The following CFDP1 variants were observed in gnomAD, a reference collection of about 807,000 sequenced individuals.
The protein encoded by CFDP1 is chromatin remodeling protein CFDP1.
Under a neutral mutation model 40.1 loss-of-function variants are expected in CFDP1, and 31 were observed. The observed-to-expected ratio is 0.77, with a 90% CI of 0.58 to 1.04. The LOEUF (loss-of-function observed/expected upper bound fraction) is 1.04. CFDP1 is among the 50% of genes least tolerant of loss of function. The pLI is 0.00. For synonymous variants in CFDP1, 167 were observed against 120.0 expected, an observed-to-expected ratio of 1.39 and a Z score of -2.56; for missense variants, 423 against 343.4, an observed-to-expected ratio of 1.23 and a Z score of -1.83.
intron 5 of CFDP1, among the ~76,000 whole-genome samples, chr16:75,376,612 T>C (rs1206778737): frequency 6.6e-6 from 1 of 152,156 alleles, no homozygotes; most frequent in Non-Finnish European, 1.5e-5. Flanking sequence ...GAAAGGGGCA[T>C]GAGGGAACTT....
At chr16:75,432,311 G>A (rs2079430321) in intron 1 of CFDP1, among the ~76,000 whole-genome samples, 1 of 145,464 alleles carries the variant, frequency 6.9e-6, no homozygotes, top group Non-Finnish European at 1.5e-5. Flanking sequence ...TGAGGTGGGA[G>A]GATCACTTGA....
chr16:75,418,178 G>C (rs946772507), intron 1 of CFDP1, among the ~76,000 whole-genome samples: 18 of 144,458 alleles, frequency 1.2e-4, no homozygotes, highest in Non-Finnish European at 2.4e-4. Context: ...GCTTGAACCT[G>C]GGGGGCGGAG....
At position 75,404,682 on chromosome 16, in the gene CFDP1, A is replaced by C. The variant is rs1371012057; in HGVS notation, c.530+7143T>G. Among the ~76,000 whole-genome samples, 6 of 152,208 alleles carry C rather than the reference A, an allele frequency of 3.9e-5. No individual in the cohort carries two copies. The East Asian group carries it at 1.2e-3, about 29-fold the overall frequency. On this transcript the variant is annotated intron_variant, in intron 4 of 6. Coordinates refer to ENST00000283882, the MANE Select transcript of CFDP1 (RefSeq NM_006324.3). ...CAATCCAAATTGAGGGACATTATGC[A>C]ATACAAATGGCCTGGACTCTTAAAA...
chr16:75,335,618 A>G (rs1034529580), intron 5 of CFDP1, among the ~76,000 whole-genome samples: 5 of 142,866 alleles, frequency 3.5e-5, no homozygotes, highest in Non-Finnish European at 7.5e-5. Flanking sequence ...GTGCAGTGGC[A>G]CGATCTCGGC....
chr16:75,415,878 A>T (rs767946045), intron 1 of CFDP1, among the ~76,000 whole-genome samples: 1 of 152,122 alleles, frequency 6.6e-6, no homozygotes, highest in Non-Finnish European at 1.5e-5. Context: ...ATTGAGACGG[A>T]GTCTTGCTCT....
At chr16:75,390,541 A>T (rs1008154960) in intron 5 of CFDP1, among the ~76,000 whole-genome samples, 5 of 152,220 alleles carry the variant, frequency 3.3e-5, no homozygotes, top group Non-Finnish European at 7.4e-5. Context: ...TCTTTGCTGT[A>T]TTCGGAGTTG....
At chr16:75,387,198 T>G (rs2078905677) in intron 5 of CFDP1, among the ~76,000 whole-genome samples, 1 of 150,482 alleles carries the variant, frequency 6.6e-6, no homozygotes, top group Admixed American at 6.7e-5. Context: ...TGGAGTGCAG[T>G]GGCGCAATCT....
At chr16:75,333,515 C>T (rs12716786) in intron 5 of CFDP1, among the ~76,000 whole-genome samples, 152,242 of 152,372 alleles carry the variant, frequency 1, 76,057 homozygotes, top group Middle Eastern at 1. Context: ...GTAGTAATGT[C>T]ACAGATTTGA....
chr16:75,400,480 GAA>G (rs1412911157), intron 4 of CFDP1, among the ~76,000 whole-genome samples: 1 of 152,100 alleles, frequency 6.6e-6, no homozygotes, highest in African/African-American at 2.4e-5. Flanking sequence ...TAGAGGAAAG[GAA>G]TAGGGCTAAA....
At chr16:75,390,192 T>C (rs1488181032) in intron 5 of CFDP1, among the ~76,000 whole-genome samples, 1 of 152,204 alleles carries the variant, frequency 6.6e-6, no homozygotes. Flanking sequence ...GGTTGGCCCC[T>C]AGATTCCCTC....
intron 5 of CFDP1, among the ~76,000 whole-genome samples, chr16:75,341,750 C>A (rs2078528763): frequency 6.6e-6 from 1 of 151,944 alleles, no homozygotes; most frequent in Non-Finnish European, 1.5e-5. Flanking sequence ...CTGTCCTGTT[C>A]TCTTTCTTCT....
chr16:75,389,078 A>C (rs1191994979), intron 5 of CFDP1, among the ~76,000 whole-genome samples: 2 of 152,206 alleles, frequency 1.3e-5, no homozygotes, highest in Admixed American at 6.5e-5. Context: ...TCAATGCGTA[A>C]GGGTAGGATT....
At chr16:75,332,692 G>A (rs951149635) in intron 5 of CFDP1, among the ~76,000 whole-genome samples, 4 of 148,036 alleles carry the variant, frequency 2.7e-5, no homozygotes, top group Non-Finnish European at 4.5e-5. Context: ...AAAAAGAGTT[G>A]TCTATATTTT....
intron 6 of CFDP1, among the ~76,000 whole-genome samples, chr16:75,302,405 T>C (rs1206679508): frequency 6.6e-6 from 1 of 152,160 alleles, no homozygotes; most frequent in Non-Finnish European, 1.5e-5. Flanking sequence ...GGACTACAGG[T>C]GTGCACCACG....
At chr16:75,353,702 T>A (rs1036326614) in intron 5 of CFDP1, among the ~76,000 whole-genome samples, 9 of 126,856 alleles carry the variant, frequency 7.1e-5, no homozygotes, top group Non-Finnish European at 1.1e-4. Context: ...TGAGCCGAGA[T>A]CGTGCCACTG....
chr16:75,306,714 C>T (rs146433086), intron 5 of CFDP1, among the ~76,000 whole-genome samples: 1 of 152,278 alleles, frequency 6.6e-6, no homozygotes. Context: ...TGTGCTATCT[C>T]GCCTCCAGAT....
At chr16:75,352,961 T>C (rs1310171769) in intron 5 of CFDP1, among the ~76,000 whole-genome samples, 1 of 152,194 alleles carries the variant, frequency 6.6e-6, no homozygotes, top group Non-Finnish European at 1.5e-5. Flanking sequence ...CCGATAAAAC[T>C]ACCAATTTAC....
chr16:75,308,860 T>G (rs530775604), intron 5 of CFDP1, among the ~76,000 whole-genome samples: 1 of 152,256 alleles, frequency 6.6e-6, no homozygotes, highest in African/African-American at 2.4e-5. Context: ...TGCACAGCAG[T>G]GAGGTTTCCA....
rs932861576 is a variant in CFDP1, at chr16:75,380,557, G to GA, written c.650+14532dup. Among the ~76,000 whole-genome samples the GA allele has an allele frequency of 6.8e-3, 972 of 142,754 alleles. 2 individuals carry two copies. Among genetic ancestry groups the GA allele is most frequent in the African/African-American group, 9.8e-3 (384 of 39,034 alleles). The allele number at this position is 142,754 out of a possible 152,430, so 93.7% of individuals were successfully genotyped here. ...ATCCTCAATGAAAGGAAAGAGTTAG[G>GA]AAAAAAAAAAAATCACATAACAGCC... On this transcript the variant is annotated intron_variant, in intron 5 of 6. Coordinates refer to ENST00000283882, the MANE Select transcript of CFDP1 (RefSeq NM_006324.3).
Sources: gnomAD v4.1 joint callset for allele counts (sites outside exome capture counted in the v4.1 genomes callset) on GRCh38, gnomAD v4.1.1 for gene constraint, MANE v1.5 for transcripts, NCBI Gene and HGNC (gene_info 2026-07-23, HGNC 2026-07-21) for gene names.